ITSN2: variants seen among roughly 807,000 people sequenced by gnomAD.
The protein encoded by ITSN2 is intersectin 2.
Under a neutral mutation model 243.7 loss-of-function variants are expected in ITSN2, and 156 were observed. The ratio of observed to expected loss-of-function variants is 0.64; its 90% CI spans 0.56 to 0.73. The LOEUF is 0.73. Among genes scored for constraint, ITSN2 ranks in the 30% least tolerant of loss-of-function variants. The pLI is 0.00. For missense variants in ITSN2, 1,801 were observed against 1,996.1 expected, an observed-to-expected ratio of 0.90 and a Z score of 1.86; for synonymous variants, 703 against 699.9, an observed-to-expected ratio of 1.00 and a Z score of -0.07.
In ITSN2 at chr2:24,203,739, C is replaced by G. The variant is rs1178027929; in HGVS notation, c.4981G>C (p.Glu1661Gln). Reference protein sequence around the residue: ...TEIPVAKIRTEQESKGPMTRR... With the variant: ...TEIPVAKIRTQQESKGPMTRR... ...GTCATAGGGCCTTTGCTTTCCTGTT[C>G]TGTTCGAATTTTTGCCACTGGAATT... Residue 1661 changes from glutamate to glutamine, a missense_variant, in exon 40 of 40, where the codon GAA (glutamate) becomes CAA (glutamine). This residue lies in a region of ITSN2 where 928 missense variants were observed against 1,065.4 expected (regional missense o/e 0.87). Coordinates refer to ENST00000355123, the MANE Select transcript of ITSN2 (RefSeq NM_006277.3). 6.2e-7 allele frequency: 1 copy of G among 1,614,182 alleles called. No homozygotes were observed. The highest frequency in any genetic ancestry group is 8.5e-7 in the Non-Finnish European group (1 of 1,180,020).
intron 1 of ITSN2, among the ~76,000 whole-genome samples, chr2:24,357,900 G>A (rs1391961562): frequency 6.6e-5 from 10 of 152,034 alleles, no homozygotes; most frequent in Admixed American, 6.6e-4. Context: ...TTTACTGAAT[G>A]CCCATATAAC....
At position 24,294,372 on chromosome 2, in the gene ITSN2, G is replaced by A. The variant is rs1680668338; in HGVS notation, c.1636-597C>T. 2.6e-5 allele frequency among the ~76,000 whole-genome samples: 4 copies of A among 152,208 alleles called. No individual in the cohort carries two copies. In the East Asian group the frequency reaches 7.7e-4, roughly 29 times the overall value. ...GCCTGGGAGGCAGAAGTTGCAGTGA[G>A]CTGAGGTCATGCCACTGCACTCCAG... On this transcript the variant is annotated intron_variant, in intron 14 of 39. Transcript: ENST00000355123.
chr2:24,226,251 T>C (rs1671017558), intron 29 of ITSN2, among the ~76,000 whole-genome samples: 2 of 152,200 alleles, frequency 1.3e-5, no homozygotes, highest in Non-Finnish European at 2.9e-5. Flanking sequence ...TGTTCTGCTC[T>C]GGGCTGCAAA....
At chr2:24,355,487 A>C (rs1273598457) in intron 1 of ITSN2, among the ~76,000 whole-genome samples, 1 of 152,240 alleles carries the variant, frequency 6.6e-6, no homozygotes, top group African/African-American at 2.4e-5. Flanking sequence ...TGGGGAAAGG[A>C]TCTCCTATTC....
chr2:24,332,165 C>G (rs1395990567), intron 1 of ITSN2, among the ~76,000 whole-genome samples: 1 of 152,184 alleles, frequency 6.6e-6, no homozygotes, highest in East Asian at 1.9e-4. Context: ...TCGCTTGAAC[C>G]CAGGAGGTGG....
rs1558431628 is a variant in ITSN2, at chr2:24,212,699, A to C, written c.4040T>G (p.Leu1347Arg). 1 of 1,613,806 alleles carries C rather than the reference A, an allele frequency of 6.2e-7. No homozygotes were observed. The highest frequency in any genetic ancestry group is 1.7e-5 in the Admixed American group (1 of 59,918). The change falls in exon 33 of 40, where the codon CTG (leucine) becomes CGG (arginine). Residue 1347 changes from leucine (L) to arginine (R), a missense_variant. Physicochemically the swap from Leu to Arg is moderately radical, Grantham distance 102. Coordinates refer to ENST00000355123, the MANE Select transcript of ITSN2 (RefSeq NM_006277.3). Reference sequence around the variant, plus strand: ...GGTGATCCTCTGCATGGGTTTCAGCAGGAAGCTGGAGAGGGGCATTCCTTT... The same window carrying C: ...GGTGATCCTCTGCATGGGTTTCAGCCGGAAGCTGGAGAGGGGCATTCCTTT... ...RCKGMPLSSF[L>R]LKPMQRITRY...
At chr2:24,295,034 T>G (rs1558570954) in intron 14 of ITSN2, among the ~76,000 whole-genome samples, 1 of 152,198 alleles carries the variant, frequency 6.6e-6, no homozygotes, top group African/African-American at 2.4e-5. Context: ...GTAATAAATT[T>G]CTGTTGTTTA....
At chr2:24,352,629 G>A (rs1259228847) in intron 1 of ITSN2, among the ~76,000 whole-genome samples, 1 of 152,092 alleles carries the variant, frequency 6.6e-6, no homozygotes, top group Non-Finnish European at 1.5e-5. Flanking sequence ...TATAAGCTCA[G>A]ATTTTTATAA....
intron 1 of ITSN2, among the ~76,000 whole-genome samples, chr2:24,349,115 TC>T (rs1687813830): frequency 4.0e-5 from 6 of 149,610 alleles, no homozygotes; most frequent in African/African-American, 1.2e-4. Context: ...ACAACAATAA[TC>T]ATCATCATCA....
At chr2:24,312,439 T>C in intron 4 of ITSN2, 64 bp from the exon 5 acceptor site, 6 of 1,274,944 alleles carry the variant, frequency 4.7e-6, no homozygotes, top group Admixed American at 2.5e-5. Flanking sequence ...TAACGTTATT[T>C]TGGGGATTGA....
At chr2:24,352,404 A>C (rs1271827851) in intron 1 of ITSN2, among the ~76,000 whole-genome samples, 8 of 152,354 alleles carry the variant, frequency 5.3e-5, no homozygotes, top group African/African-American at 1.4e-4. Flanking sequence ...GAAACAAATT[A>C]GAGTTGTGCC....
chr2:24,202,955 C>A lies in ITSN2; in HGVS notation c.*671G>T, dbSNP rs949665604. The A allele has an allele frequency of 1.3e-5, 2 of 152,514 alleles. No individual in the cohort carries two copies. Among genetic ancestry groups the A allele is most frequent in the Non-Finnish European group, 2.9e-5 (2 of 68,016 alleles). 9.4% of individuals were successfully genotyped at this position (152,514 alleles called of 1,614,324 possible). A position where few individuals can be genotyped will look rare whatever the true frequency, so the allele number is the denominator to read the frequency against. On this transcript the variant is annotated 3_prime_UTR_variant, in exon 40 of 40. Transcript: ENST00000355123. The stretch of plus-strand genomic sequence containing the variant: ...GCATGTCCTAAGAAATATGCAAAAA[C>A]AATGAATTTACATAAATAATTTATA...
chr2:24,286,422 G>A (rs1033482880), intron 15 of ITSN2, 71 bp from the exon 16 acceptor site: 41 of 1,351,792 alleles, frequency 3.0e-5, no homozygotes, highest in South Asian at 1.2e-4. Flanking sequence ...GTCATTTACT[G>A]TTTGGTCAGA....
intron 2 of ITSN2, chr2:24,321,970 A>G (rs1167143787): frequency 6.6e-6 from 1 of 152,242 alleles, no homozygotes; most frequent in Non-Finnish European, 1.5e-5. Context: ...AAGGTCATAC[A>G]GTAAGTGACA....
At chr2:24,286,779 C>T (rs1327960479) in intron 15 of ITSN2, among the ~76,000 whole-genome samples, 1 of 152,054 alleles carries the variant, frequency 6.6e-6, no homozygotes, top group African/African-American at 2.4e-5. Context: ...TCTTAGTGCT[C>T]CCAAGAACAG....
intron 27 of ITSN2, among the ~76,000 whole-genome samples, chr2:24,248,089 A>G (rs1673623925): frequency 6.6e-6 from 1 of 152,162 alleles, no homozygotes; most frequent in South Asian, 2.1e-4. Context: ...TAGTAAGGAA[A>G]TAATAGAAGT....
At chr2:24,313,413 AAAC>A in intron 4 of ITSN2, 44 bp downstream of exon 4, 1 of 1,526,270 alleles carries the variant, frequency 6.6e-7, no homozygotes, top group Non-Finnish European at 9.0e-7. Flanking sequence ...TATTACAAAA[AAAC>A]AAAATACTAT....
intron 7 of ITSN2, chr2:24,309,063 G>T (rs1482487407): frequency 4.1e-6 from 1 of 245,926 alleles, no homozygotes; most frequent in Non-Finnish European, 9.3e-6. Flanking sequence ...AATGCCTGAT[G>T]ATCTGAGATG....
intron 1 of ITSN2, among the ~76,000 whole-genome samples, chr2:24,355,731 T>C (rs1297749525): frequency 6.6e-6 from 1 of 152,054 alleles, no homozygotes; most frequent in Non-Finnish European, 1.5e-5. Flanking sequence ...AATTGACAAA[T>C]AGGATCTAAT....
Sources: gnomAD v4.1 joint callset for allele counts (sites outside exome capture counted in the v4.1 genomes callset) on GRCh38, gnomAD v4.1.1 for gene constraint, gnomAD v4.1.1 regional missense constraint, MANE v1.5 for transcripts, NCBI Gene and HGNC (gene_info 2026-07-23, HGNC 2026-07-21) for gene names.